The following GABBR1 variants were observed in gnomAD, a reference collection of about 807,000 sequenced individuals.
GABBR1 encodes gamma-aminobutyric acid type B receptor subunit 1, also known as GABA-B receptor, R1 subunit.
A neutral mutation model predicts 117.7 loss-of-function variants in GABBR1; 35 were observed. The observed-to-expected ratio is 0.30, with a 90% CI of 0.23 to 0.39. The LOEUF (loss-of-function observed/expected upper bound fraction) is 0.39, where lower values mean the gene tolerates loss of function less well. GABBR1 is among the 10% of genes least tolerant of loss of function. The pLI, the probability that GABBR1 is intolerant of heterozygous loss-of-function variation, is 1.00. For synonymous variants in GABBR1, 442 were observed against 486.6 expected, an observed-to-expected ratio of 0.91 and a Z score of 1.21; for missense variants, 709 against 1,241.8, an observed-to-expected ratio of 0.57 and a Z score of 6.45.
rs186494484 is a variant in GABBR1, at chr6:29,622,851, T to C, written c.963+454A>G. Among the ~76,000 whole-genome samples the C allele has an allele frequency of 8.3e-3, 1,251 of 151,254 alleles. 20 individuals are homozygous for C. Among genetic ancestry groups the C allele is most frequent in the Non-Finnish European group, 0.012 (804 of 67,772 alleles). ...TGCCCCTCTCTCTCCTCTCCCTCAT[T>C]CCTCTCTCTCTCTCTCTTTCCTCTC... On this transcript the variant is annotated intron_variant, in intron 8 of 22. Transcript: ENST00000377034. The surrounding 1 kb of genome is among the most constrained non-coding windows in gnomAD (Gnocchi z 4.6).
At position 29,621,362 on chromosome 6, in the gene GABBR1, A is replaced by T; in HGVS notation, c.1132-70T>A. 1 of 1,251,898 alleles carries T rather than the reference A, an allele frequency of 8.0e-7. No homozygotes were observed. The allele number at this position is 1,251,898 out of a possible 1,614,324, so 77.5% of individuals were successfully genotyped here. ...TTGTTTTTGTCTTATCTCACTTGAT[A>T]CTATTTAGCCTCTTGGGAATCAGGG... is the stretch of plus-strand genomic sequence containing the variant. On this transcript the variant is annotated intron_variant, in intron 10 of 22. Transcript: ENST00000377034. This position sits in a 1 kb window ranked among gnomAD's most constrained non-coding sequence, Gnocchi z 5.0.
In GABBR1 at chr6:29,602,669, G is replaced by C. The variant is rs1411628042; in HGVS notation, c.*874C>G. Reference sequence around the variant, plus strand: ...CTGTCAGAAGAATACCATGATTTAAGGGAAGAAAGTACACAAGGTACATGG... The same window carrying C: ...CTGTCAGAAGAATACCATGATTTAACGGAAGAAAGTACACAAGGTACATGG... On this transcript the variant is annotated 3_prime_UTR_variant, in exon 23 of 23. Coordinates refer to ENST00000377034, the MANE Select transcript of GABBR1 (RefSeq NM_001470.4). 7.4e-6 allele frequency: 2 copies of C among 268,992 alleles called. No homozygotes were observed. The highest frequency in any genetic ancestry group is 4.4e-5 in the African/African-American group (2 of 45,146). 16.7% of individuals were successfully genotyped at this position (268,992 alleles called of 1,614,324 possible).
chr6:29,624,880 C>A (rs1045013145), intron 6 of GABBR1, among the ~76,000 whole-genome samples: 1 of 151,990 alleles, frequency 6.6e-6, no homozygotes. Context: ...TATGACATTT[C>A]AGAAGCTGCT....
At position 29,627,522 on chromosome 6, in the gene GABBR1, C is replaced by A. The variant is rs759804056; in HGVS notation, c.621G>T (p.Pro207=). The A allele has an allele frequency of 1.9e-6, 3 of 1,606,480 alleles. No individual in the cohort carries two copies. Among genetic ancestry groups the A allele is most frequent in the East Asian group, 2.2e-5 (1 of 44,568 alleles). Residue 207 remains proline, a synonymous_variant, in exon 6 of 23, where the codon CCG becomes CCT. Transcript: ENST00000377034. This position sits in a 1 kb window ranked among gnomAD's most constrained non-coding sequence, Gnocchi z 4.4. The part of the protein sequence containing the change: ...EDVNSRRDIL[P]DYELKLIHHD... Reference sequence around the variant, plus strand: ...GGTGGATGAGCTTGAGCTCATAGTCCGGCAGGATGTCCCTGCGGCTATTCA... The same window carrying A: ...GGTGGATGAGCTTGAGCTCATAGTCAGGCAGGATGTCCCTGCGGCTATTCA...
rs1437472238 is a variant in GABBR1, at chr6:29,632,346, G to A, written c.40C>T (p.Pro14Ser). 7.3e-7 allele frequency: 1 copy of A among 1,363,544 alleles called. No individual in the cohort carries two copies. The highest frequency in any genetic ancestry group is 9.5e-7 in the Non-Finnish European group (1 of 1,053,818). The allele number at this position is 1,363,544 out of a possible 1,614,324, so 84.5% of individuals were successfully genotyped here. ...LLLLAPLFLR[P>S]PGAGGAQTPN... ...GTCTGCGCCCCGCCCGCGCCCGGGG[G>A]GCGGAGGAAGAGTGGCGCCAGTAGC... The change falls in exon 2 of 23, where the codon CCC (proline) becomes TCC (serine). Residue 14 changes from proline (P) to serine (S), a missense_variant. Around this residue, in one of 9 missense-constraint regions of GABBR1, gnomAD observed 43 missense variants for 42.8 expected, o/e 1.00. Transcript: ENST00000377034. This position sits in a 1 kb window ranked among gnomAD's most constrained non-coding sequence, Gnocchi z 5.8.
chr6:29,614,213 C>T (rs539532739), intron 11 of GABBR1, among the ~76,000 whole-genome samples: 12 of 152,304 alleles, frequency 7.9e-5, no homozygotes, highest in Non-Finnish European at 1.5e-4. Flanking sequence ...CTTGCAGTAA[C>T]CTTGTTTGGC....
Position 29,627,523 on chromosome 6 carries a change from G to A in GABBR1, c.620C>T (p.Pro207Leu), listed in dbSNP as rs768328343. Reference protein sequence around the residue: ...EDVNSRRDILPDYELKLIHHD... With the variant: ...EDVNSRRDILLDYELKLIHHD... ...GTGGATGAGCTTGAGCTCATAGTCCGGCAGGATGTCCCTGCGGCTATTCAC... is the reference window on the plus strand; with the variant it reads ...GTGGATGAGCTTGAGCTCATAGTCCAGCAGGATGTCCCTGCGGCTATTCAC... The change falls in exon 6 of 23, where the codon CCG (proline) becomes CTG (leucine). Residue 207 changes from proline (P) to leucine (L), a missense_variant. By Grantham distance (98) the Pro-to-Leu change is moderately conservative. This residue lies in a region of GABBR1 where 192 missense variants were observed against 418.4 expected (regional missense o/e 0.46). Coordinates refer to ENST00000377034, the MANE Select transcript of GABBR1 (RefSeq NM_001470.4). This position sits in a 1 kb window ranked among gnomAD's most constrained non-coding sequence, Gnocchi z 4.4. 6.9e-7 allele frequency: 1 copy of A among 1,440,840 alleles called. No homozygotes were observed. Among genetic ancestry groups the A allele is most frequent in the African/African-American group, 1.5e-5 (1 of 68,632 alleles). The allele number at this position is 1,440,840 out of a possible 1,614,324, so 89.3% of individuals were successfully genotyped here.
Position 29,620,534 on chromosome 6 carries a change from G to A in GABBR1, c.1323+567C>T, listed in dbSNP as rs918238107. Among the ~76,000 whole-genome samples, 40 of 151,958 alleles carry A rather than the reference G, an allele frequency of 2.6e-4. No individual in the cohort carries two copies. The highest frequency in any genetic ancestry group is 8.7e-4 in the African/African-American group (36 of 41,368). On this transcript the variant is annotated intron_variant, in intron 11 of 22. Transcript: ENST00000377034. The surrounding 1 kb of genome is among the most constrained non-coding windows in gnomAD (Gnocchi z 4.5). ...CCAGCCCTCTCAAATCAGAGAATGC[G>A]CCTCCTCGCTCCAAGTCTGTCATTA...
In GABBR1 at chr6:29,606,650, G is replaced by C. The variant is rs1027619327; in HGVS notation, c.2218-166C>G. The C allele has an allele frequency of 4.6e-6, 3 of 646,268 alleles. No individual in the cohort carries two copies. Among genetic ancestry groups the C allele is most frequent in the African/African-American group, 1.8e-5 (1 of 55,056 alleles). The allele number at this position is 646,268 out of a possible 1,614,324, so 40.0% of individuals were successfully genotyped here. On this transcript the variant is annotated intron_variant, in intron 18 of 22. Transcript: ENST00000377034. The surrounding 1 kb of genome is among the most constrained non-coding windows in gnomAD (Gnocchi z 4.5). ...TTTTCCTGAACCCTTGGAGGTGCTT[G>C]TTCCCCACTTTCCCTGATGCCTGGA...
chr6:29,613,059 AT>A lies in GABBR1; in HGVS notation c.1566+183del, dbSNP rs1187654722. Among the ~76,000 whole-genome samples the A allele has an allele frequency of 5.9e-5, 9 of 152,122 alleles. No homozygotes were observed. The East Asian group carries it at 1.2e-3, about 20-fold the overall frequency. ...GGGGTTTAAAAAAATGGAATACATC[AT>A]TTTTTTTCCTCTAGTCTTTGATGGG... On this transcript the variant is annotated intron_variant, in intron 12 of 22. Transcript: ENST00000377034. This position sits in a 1 kb window ranked among gnomAD's most constrained non-coding sequence, Gnocchi z 4.1.
chr6:29,602,708 A>C lies in GABBR1; in HGVS notation c.*835T>G. 3.0e-6 allele frequency: 1 copy of C among 330,368 alleles called. No homozygotes were observed. The highest frequency in any genetic ancestry group is 2.5e-5 in the South Asian group (1 of 40,146). The allele number at this position is 330,368 out of a possible 1,614,324, so 20.5% of individuals were successfully genotyped here. A position where few individuals can be genotyped will look rare whatever the true frequency, so the allele number is the denominator to read the frequency against. On this transcript the variant is annotated 3_prime_UTR_variant, in exon 23 of 23. Coordinates refer to ENST00000377034, the MANE Select transcript of GABBR1 (RefSeq NM_001470.4). ...CAAGGTACATGGAGGGTACACAGGG[A>C]AAGTACATGGATAAACATGGACGTG...
intron 6 of GABBR1, among the ~76,000 whole-genome samples, chr6:29,624,872 T>C (rs1432046198): frequency 6.6e-6 from 1 of 151,844 alleles, no homozygotes; most frequent in Non-Finnish European, 1.5e-5. Flanking sequence ...CACTGATATA[T>C]GACATTTCAG....
At chr6:29,619,877 T>C (rs183242454) in intron 11 of GABBR1, among the ~76,000 whole-genome samples, 182 of 152,336 alleles carry the variant, frequency 1.2e-3, no homozygotes, top group African/African-American at 4.1e-3. Flanking sequence ...CCTTAAAACA[T>C]AGAGTCCATT....
rs1413659560 is a variant in GABBR1 at position 29,607,436 on chromosome 6, C to T, written c.1993-218G>A. 6.6e-6 allele frequency among the ~76,000 whole-genome samples: 1 copy of T among 152,150 alleles called. No individual in the cohort carries two copies. Among genetic ancestry groups the T allele is most frequent in the Non-Finnish European group, 1.5e-5 (1 of 68,022 alleles). ...TCCTCCCATCCACCCTCTACTTCCA[C>T]ACCACCAGGGTGATCTTGCTAAAAC... is the stretch of plus-strand genomic sequence containing the variant. On this transcript the variant is annotated intron_variant, in intron 16 of 22. Transcript: ENST00000377034. The surrounding 1 kb of genome is among the most constrained non-coding windows in gnomAD (Gnocchi z 5.0).
In GABBR1 at chr6:29,621,125, G is replaced by T. The variant is rs769818764; in HGVS notation, c.1299C>A (p.Ala433=). 2 of 1,612,866 alleles carry T rather than the reference G, an allele frequency of 1.2e-6. No individual in the cohort carries two copies. Among genetic ancestry groups the T allele is most frequent in the Non-Finnish European group, 1.7e-6 (2 of 1,179,972 alleles). The change falls in exon 11 of 23, where the codon GCC becomes GCA. Residue 433 remains alanine (A), a synonymous_variant. Transcript: ENST00000377034. The surrounding 1 kb of genome is among the most constrained non-coding windows in gnomAD (Gnocchi z 5.0). ...CCATGTTGGAAATGCTGCGGGTATT[G>T]GCAGGATTCAGCATGACAATCTCAG... is the stretch of plus-strand genomic sequence containing the variant. ...ITTEIVMLNP[A]NTRSISNMTS...
At position 29,621,191 on chromosome 6, in the gene GABBR1, T is replaced by G. The variant is rs1398297452; in HGVS notation, c.1233A>C (p.Thr411=). The stretch of plus-strand genomic sequence containing the variant: ...CCACCGCCTCAGTCATCTCATCCAC[T>G]GTGCAGTTGATAGAAGGGTCGTAGA... ...FKIYDPSINC[T]VDEMTEAVEG... The change falls in exon 11 of 23, where the codon ACA becomes ACC. Residue 411 remains threonine, a synonymous_variant. Coordinates refer to ENST00000377034, the MANE Select transcript of GABBR1 (RefSeq NM_001470.4). The surrounding 1 kb of genome is among the most constrained non-coding windows in gnomAD (Gnocchi z 5.0). 6.2e-7 allele frequency: 1 copy of G among 1,613,054 alleles called. No individual in the cohort carries two copies. Among genetic ancestry groups the G allele is most frequent in the Admixed American group, 1.7e-5 (1 of 60,020 alleles).
At position 29,630,598 on chromosome 6, in the gene GABBR1, A is replaced by G; in HGVS notation, c.335T>C (p.Val112Ala). ...TGGGAGGTCCCCACCCGTCAGGAAA[A>G]CCTTCCCATTTTCCAGGGTCAAATA... ...KSYLTLENGK[V>A]FLTGGDLPAL... is the part of the protein sequence containing the mutation. Residue 112 changes from valine (V) to alanine (A), a missense_variant, in exon 4 of 23, where the codon GTT becomes GCT. Coordinates refer to ENST00000377034, the MANE Select transcript of GABBR1 (RefSeq NM_001470.4). This position sits in a 1 kb window ranked among gnomAD's most constrained non-coding sequence, Gnocchi z 4.9. The G allele has an allele frequency of 1.2e-6, 2 of 1,612,848 alleles. No homozygotes were observed. Among genetic ancestry groups the G allele is most frequent in the Non-Finnish European group, 1.7e-6 (2 of 1,179,886 alleles).
In GABBR1 at chr6:29,632,938, T is replaced by C; in HGVS notation, c.-89A>G. On this transcript the variant is annotated 5_prime_UTR_variant, in exon 1 of 23. Transcript: ENST00000377034. The surrounding 1 kb of genome is among the most constrained non-coding windows in gnomAD (Gnocchi z 5.8). ...CTCCCCGCTCCCCCCTCCCTTCTCC[T>C]CCACCTTTCTCCTCCTCCCGTCCCT... 1 of 199,296 alleles carries C rather than the reference T, an allele frequency of 5.0e-6. No homozygotes were observed. Among genetic ancestry groups the C allele is most frequent in the South Asian group, 5.0e-5 (1 of 20,106 alleles). The allele number at this position is 199,296 out of a possible 1,614,324, so 12.3% of individuals were successfully genotyped here.
In GABBR1 at chr6:29,606,318, T is replaced by A; in HGVS notation, c.2311+73A>T. 9.1e-7 allele frequency: 1 copy of A among 1,093,262 alleles called. No individual in the cohort carries two copies. The highest frequency in any genetic ancestry group is 1.3e-5 in the South Asian group (1 of 79,934). The allele number at this position is 1,093,262 out of a possible 1,614,324, so 67.7% of individuals were successfully genotyped here. The stretch of plus-strand genomic sequence containing the variant: ...CTCCTCTTCCAAAGACCCCTCTCCC[T>A]CCAAGCCCTCTACCCCTGCCTTCCC... On this transcript the variant is annotated intron_variant, in intron 19 of 22. Coordinates refer to ENST00000377034, the MANE Select transcript of GABBR1 (RefSeq NM_001470.4). The surrounding 1 kb of genome is among the most constrained non-coding windows in gnomAD (Gnocchi z 4.5).
Sources: gnomAD v4.1 joint callset for allele counts (sites outside exome capture counted in the v4.1 genomes callset) on GRCh38, gnomAD v4.1.1 for gene constraint, gnomAD v4.1.1 regional missense constraint, Gnocchi (gnomAD v3.1) non-coding constraint, MANE v1.5 for transcripts, NCBI Gene and HGNC (gene_info 2026-07-23, HGNC 2026-07-21) for gene names.